SWT1: variants seen among roughly 807,000 people sequenced by gnomAD.
SWT1 encodes transcriptional protein SWT1.
Under a neutral mutation model 107.3 loss-of-function variants are expected in SWT1, and 33 were observed. That is an observed-to-expected ratio of 0.31 (90% CI 0.23 to 0.41). SWT1 has a LOEUF of 0.41. Ranked by LOEUF, SWT1 falls within the 10% of genes least tolerant of loss-of-function variation. The pLI is 1.00. For missense variants in SWT1, 898 were observed against 1,028.9 expected (o/e 0.87, Z 1.74); for synonymous variants, 345 against 348.3 (o/e 0.99, Z 0.11).
intron 8 of SWT1, 77 bp downstream of exon 8, chr1:185,184,421 T>C (rs1156248933): frequency 3.5e-6 from 3 of 860,608 alleles, no homozygotes; most frequent in Non-Finnish European, 5.6e-6. Flanking sequence ...ATGGGCTTTT[T>C]TTGCCATGAA....
chr1:185,247,345 G>A (rs181021153), intron 16 of SWT1, among the ~76,000 whole-genome samples: 50 of 152,306 alleles, frequency 3.3e-4, no homozygotes, highest in Non-Finnish European at 6.3e-4. Flanking sequence ...AAAGAAAGGG[G>A]AAGATACAAT....
rs150276202 is a variant in SWT1, at chr1:185,270,034, T to A, written c.2442-1289T>A. 3.5e-3 allele frequency among the ~76,000 whole-genome samples: 533 copies of A among 152,370 alleles called. 18 individuals carry two copies. The highest frequency in any genetic ancestry group is 0.031 in the Admixed American group (474 of 15,304). ...ATAGTTGTTACTGTCACTGTTATAA[T>A]TGACATATACTGTATAGTACTTGCT... On this transcript the variant is annotated intron_variant, in intron 16 of 18. Coordinates refer to ENST00000367500, the MANE Select transcript of SWT1 (RefSeq NM_017673.7).
chr1:185,239,528 AT>A (rs1661116981), intron 16 of SWT1, among the ~76,000 whole-genome samples: 1 of 151,982 alleles, frequency 6.6e-6, no homozygotes, highest in Non-Finnish European at 1.5e-5. Flanking sequence ...AAATTCCTAT[AT>A]TTTCTGAACA....
At chr1:185,276,517 T>C (rs1664249805) in intron 17 of SWT1, 87 bp from the exon 18 acceptor site, 1 of 658,234 alleles carries the variant, frequency 1.5e-6, no homozygotes, top group African/African-American at 1.9e-5. Context: ...ATTTGAACTT[T>C]CCTCTCAGAA....
At chr1:185,284,188 T>G (rs1215012284) in intron 18 of SWT1, among the ~76,000 whole-genome samples, 1 of 152,246 alleles carries the variant, frequency 6.6e-6, no homozygotes, top group Non-Finnish European at 1.5e-5. Flanking sequence ...TTTCAATTTG[T>G]ATTTCTCTAA....
chr1:185,243,578 A>T (rs1661395580), intron 16 of SWT1, among the ~76,000 whole-genome samples: 1 of 152,190 alleles, frequency 6.6e-6, no homozygotes, highest in Admixed American at 6.5e-5. Flanking sequence ...TGTTTTCCAC[A>T]TAGATGGTAC....
chr1:185,261,974 T>C (rs1278365842), intron 16 of SWT1, among the ~76,000 whole-genome samples: 1 of 152,182 alleles, frequency 6.6e-6, no homozygotes. Flanking sequence ...TTGGGTATAT[T>C]GAGATCTTAA....
Position 185,271,018 on chromosome 1 carries a change from T to A in SWT1, c.2442-305T>A, listed in dbSNP as rs183660963. Among the ~76,000 whole-genome samples the A allele has an allele frequency of 2.5e-3, 385 of 152,292 alleles. 3 individuals are homozygous for A. Among genetic ancestry groups the A allele is most frequent in the African/African-American group, 8.8e-3 (365 of 41,558 alleles). ...ACATTTCTGTCTACTTTTTGAGAAATCTGTATTATTGTATCTTAAAATGTG... is the reference window on the plus strand; with the variant it reads ...ACATTTCTGTCTACTTTTTGAGAAAACTGTATTATTGTATCTTAAAATGTG... On this transcript the variant is annotated intron_variant, in intron 16 of 18. Coordinates refer to ENST00000367500, the MANE Select transcript of SWT1 (RefSeq NM_017673.7).
intron 16 of SWT1, among the ~76,000 whole-genome samples, chr1:185,246,628 T>G (rs956481147): frequency 2.0e-5 from 3 of 149,018 alleles, no homozygotes; most frequent in Non-Finnish European, 3.0e-5. Context: ...GAGAGCTTTT[T>G]TTTTTTTTTT....
rs1363003350 is a variant in SWT1 at position 185,204,874 on chromosome 1, G to A, written c.1833+11G>A. 2.0e-6 allele frequency: 3 copies of A among 1,520,438 alleles called. No homozygotes were observed. The highest frequency in any genetic ancestry group is 2.6e-6 in the Non-Finnish European group (3 of 1,134,328). 94.2% of individuals were successfully genotyped at this position (1,520,438 alleles called of 1,614,324 possible). On this transcript the variant is annotated intron_variant, in intron 12 of 18. Coordinates refer to ENST00000367500, the MANE Select transcript of SWT1 (RefSeq NM_017673.7). The stretch of plus-strand genomic sequence containing the variant: ...AACCTTTGGATGGAGGTGATTAGTT[G>A]AACTCTATTAGTTGAAAATTTCTTT...
chr1:185,258,541 C>A (rs76985001), intron 16 of SWT1, among the ~76,000 whole-genome samples: 2 of 151,888 alleles, frequency 1.3e-5, no homozygotes, highest in African/African-American at 4.8e-5. Flanking sequence ...AATATACTGA[C>A]GTGTTTTTAT....
chr1:185,224,483 A>C (rs1659904989), intron 15 of SWT1, among the ~76,000 whole-genome samples: 1 of 151,262 alleles, frequency 6.6e-6, no homozygotes, highest in Admixed American at 6.6e-5. Flanking sequence ...TTGGCATGTG[A>C]AATTTATGAT....
At chr1:185,193,913 A>G (rs367966469) in intron 10 of SWT1, among the ~76,000 whole-genome samples, 21 of 152,324 alleles carry the variant, frequency 1.4e-4, no homozygotes, top group African/African-American at 5.1e-4. Flanking sequence ...TGTTGTGGTA[A>G]AGGCATTGAT....
chr1:185,260,062 A>G (rs1463972811), intron 16 of SWT1, among the ~76,000 whole-genome samples: 1 of 152,140 alleles, frequency 6.6e-6, no homozygotes, highest in African/African-American at 2.4e-5. Flanking sequence ...CATACTTGTT[A>G]TTTTTAAGCT....
At chr1:185,222,063 T>A in intron 15 of SWT1, 27 bp downstream of exon 15, 2 of 1,409,962 alleles carry the variant, frequency 1.4e-6, no homozygotes, top group Non-Finnish European at 1.9e-6. Flanking sequence ...AATTTTTTTT[T>A]AGTTATTTTT....
intron 14 of SWT1, among the ~76,000 whole-genome samples, chr1:185,219,739 G>GC (rs1161775682): frequency 1.3e-5 from 2 of 151,924 alleles, no homozygotes; most frequent in Non-Finnish European, 2.9e-5. Context: ...CTTTTACTGT[G>GC]CTTTAAACTA....
rs766909741 is a variant in SWT1 at position 185,251,796 on chromosome 1, A to T, written c.2442-19527A>T. Among the ~76,000 whole-genome samples the T allele has an allele frequency of 3.3e-5, 5 of 150,516 alleles. No homozygotes were observed. In the East Asian group the frequency reaches 9.7e-4, roughly 29 times the overall value. ...TAAGTAAAACAATTTATATATATATATATTTTTTTTATTATACTTTAAATT... is the reference window on the plus strand; with the variant it reads ...TAAGTAAAACAATTTATATATATATTTATTTTTTTTATTATACTTTAAATT... On this transcript the variant is annotated intron_variant, in intron 16 of 18. Coordinates refer to ENST00000367500, the MANE Select transcript of SWT1 (RefSeq NM_017673.7).
At chr1:185,215,723 T>G (rs1659167674) in intron 14 of SWT1, among the ~76,000 whole-genome samples, 1 of 152,084 alleles carries the variant, frequency 6.6e-6, no homozygotes, top group African/African-American at 2.4e-5. Flanking sequence ...ATATTTTTAG[T>G]AGAGGCAGAG....
chr1:185,185,000 A>C (rs1656330120), intron 9 of SWT1, 69 bp downstream of exon 9: 1 of 1,098,568 alleles, frequency 9.1e-7, no homozygotes, highest in Non-Finnish European at 1.2e-6. Context: ...TATTGGAGGG[A>C]AATGGTGCAA....
Sources: gnomAD v4.1 joint callset for allele counts (sites outside exome capture counted in the v4.1 genomes callset) on GRCh38, gnomAD v4.1.1 for gene constraint, MANE v1.5 for transcripts, NCBI Gene and HGNC (gene_info 2026-07-23, HGNC 2026-07-21) for gene names.